Variants in GAN observed in about 807,000 individuals in gnomAD.
The protein encoded by GAN is gigaxonin.
A neutral mutation model predicts 71.3 loss-of-function variants in GAN; 48 were observed. The ratio of observed to expected loss-of-function variants is 0.67; its 90% CI spans 0.53 to 0.86. The LOEUF (loss-of-function observed/expected upper bound fraction) is 0.86, where lower values mean the gene tolerates loss of function less well. Among genes scored for constraint, GAN ranks in the 40% least tolerant of loss-of-function variants. GAN has a pLI of 0.00. For synonymous variants in GAN, 386 were observed against 276.8 expected (o/e 1.39, Z -3.92); for missense variants, 928 against 770.1 (o/e 1.21, Z -2.43).
intron 3 of GAN, 35 bp downstream of exon 3, chr16:81,354,790 TTTTA>T (rs1278315135): frequency 1.7e-6 from 2 of 1,174,176 alleles, no homozygotes; most frequent in Non-Finnish European, 2.5e-6. Context: ...AAATTTGCCT[TTTTA>T]TTTCTTTTTA....
chr16:81,365,506 C>A, intron 9 of GAN, 28 bp downstream of exon 9: 3 of 1,607,232 alleles, frequency 1.9e-6, no homozygotes, highest in Non-Finnish European at 2.6e-6. Context: ...CACATAGCTA[C>A]TGCAACTTTT....
At chr16:81,360,474 C>G (rs77126186) in intron 5 of GAN, among the ~76,000 whole-genome samples, 3,074 of 152,094 alleles carry the variant, frequency 0.02, 76 homozygotes, top group East Asian at 0.12. Context: ...TTATTATTTT[C>G]CATCTTTTTG....
At chr16:81,335,881 A>G (rs531880394) in intron 1 of GAN, among the ~76,000 whole-genome samples, 12 of 152,278 alleles carry the variant, frequency 7.9e-5, no homozygotes, top group Admixed American at 4.6e-4. Flanking sequence ...GAATAGAGAA[A>G]AATTAAAAGG....
chr16:81,356,972 GCAT>G lies in GAN; in HGVS notation c.823_825del (p.Ile275del). The stretch of plus-strand genomic sequence containing the variant: ...TTCAAACCCCGGGGCTACTCTGAGT[GCAT>G]CGTGACTGTTGGTGGAGAAGAGAGA... On this transcript the variant is annotated inframe_deletion, in exon 4 of 11. Transcript: ENST00000648994. 6.2e-7 allele frequency: 1 copy of G among 1,611,148 alleles called. No individual in the cohort carries two copies. Among genetic ancestry groups the G allele is most frequent in the Non-Finnish European group, 8.5e-7 (1 of 1,177,790 alleles).
chr16:81,365,787 C>T (rs1910837058), intron 9 of GAN, among the ~76,000 whole-genome samples: 2 of 151,986 alleles, frequency 1.3e-5, no homozygotes, highest in Non-Finnish European at 2.9e-5. Flanking sequence ...TGGTGGCTCA[C>T]ACCTGTAGTC....
At chr16:81,351,495 C>T in intron 1 of GAN, 88 bp from the exon 2 acceptor site, 8 of 730,502 alleles carry the variant, frequency 1.1e-5, no homozygotes, top group Non-Finnish European at 2.0e-5. Context: ...TGATAAGTAT[C>T]TTATACGTTA....
chr16:81,387,103 A>G lies in GAN; in HGVS notation c.*9507A>G, dbSNP rs529889689. 3 of 152,390 alleles carry G rather than the reference A, an allele frequency of 2.0e-5. No individual in the cohort carries two copies. Among genetic ancestry groups the G allele is most frequent in the East Asian group, 1.9e-4 (1 of 5,184 alleles). 9.4% of individuals were successfully genotyped at this position (152,390 alleles called of 1,614,324 possible). On this transcript the variant is annotated 3_prime_UTR_variant, in exon 11 of 11. Transcript: ENST00000648994. Reference sequence around the variant, plus strand: ...AGCATCCTGTTTGACATTTGTATCCATAACTTGAATAAAAATATAGAAGGC... The same window carrying G: ...AGCATCCTGTTTGACATTTGTATCCGTAACTTGAATAAAAATATAGAAGGC...
chr16:81,388,703 A>AG lies in GAN; in HGVS notation c.*11107_*11108insG, dbSNP rs1432096384. The AG allele has an allele frequency of 1.3e-5, 2 of 152,254 alleles. No homozygotes were observed. The highest frequency in any genetic ancestry group is 4.8e-5 in the African/African-American group (2 of 41,424). The allele number at this position is 152,254 out of a possible 1,614,324, so 9.4% of individuals were successfully genotyped here. A position where few individuals can be genotyped will look rare whatever the true frequency, so the allele number is the denominator to read the frequency against. ...TGTCTGTCCGCAGAGCCGGGTGGGG[A>AG]CCCTCCGTGTGGGTCCTCCTCTGTC... On this transcript the variant is annotated 3_prime_UTR_variant, in exon 11 of 11. Transcript: ENST00000648994.
At chr16:81,317,700 T>G (rs1909090220) in intron 1 of GAN, among the ~76,000 whole-genome samples, 1 of 152,286 alleles carries the variant, frequency 6.6e-6, no homozygotes, top group African/African-American at 2.4e-5. Flanking sequence ...GCCTTCCTAC[T>G]CTTGCCCTAC....
chr16:81,367,687 C>T (rs538629117), intron 9 of GAN, among the ~76,000 whole-genome samples: 1 of 152,094 alleles, frequency 6.6e-6, no homozygotes, highest in African/African-American at 2.4e-5. Flanking sequence ...CATATAACAC[C>T]AAATGCCATG....
At chr16:81,377,393 C>T (rs371634645) in intron 10 of GAN, 22 bp from the exon 11 acceptor site, 1 of 1,611,180 alleles carries the variant, frequency 6.2e-7, no homozygotes, top group African/African-American at 1.3e-5. Context: ...TTTTCTCACC[C>T]TTGCTTATTT....
chr16:81,374,278 G>A (rs1904275305), intron 9 of GAN, among the ~76,000 whole-genome samples: 1 of 152,178 alleles, frequency 6.6e-6, no homozygotes, highest in African/African-American at 2.4e-5. Flanking sequence ...ACTTGGTTAA[G>A]GTGGTATCTG....
At chr16:81,343,704 A>T (rs1910022292) in intron 1 of GAN, among the ~76,000 whole-genome samples, 1 of 152,154 alleles carries the variant, frequency 6.6e-6, no homozygotes, top group African/African-American at 2.4e-5. Flanking sequence ...TTGAAAACTG[A>T]CACAAGACAA....
chr16:81,319,512 G>T (rs758694448), intron 1 of GAN, among the ~76,000 whole-genome samples: 1 of 152,078 alleles, frequency 6.6e-6, no homozygotes, highest in African/African-American at 2.4e-5. Flanking sequence ...ACGGCTATGT[G>T]CTTCTGCAGT....
Position 81,341,826 on chromosome 16 carries a change from G to C in GAN, c.168-9757G>C, listed in dbSNP as rs865958501. Among the ~76,000 whole-genome samples, 63 of 152,284 alleles carry C rather than the reference G, an allele frequency of 4.1e-4. No individual in the cohort carries two copies. In the Middle Eastern group the frequency reaches 0.017, roughly 41 times the overall value. On this transcript the variant is annotated intron_variant, in intron 1 of 10. Coordinates refer to ENST00000648994, the MANE Select transcript of GAN (RefSeq NM_022041.4). ...AATGGGCTAAATACCCCAATTGAAA[G>C]ACACAGATTGGCAAATTGGATAAAG... is the stretch of plus-strand genomic sequence containing the variant.
intron 5 of GAN, among the ~76,000 whole-genome samples, chr16:81,358,864 A>G (rs1910578136): frequency 6.6e-6 from 1 of 152,124 alleles, no homozygotes; most frequent in Non-Finnish European, 1.5e-5. Context: ...ATCTCATGTC[A>G]TCCTAATTGT....
intron 1 of GAN, among the ~76,000 whole-genome samples, chr16:81,349,933 A>G (rs1320910770): frequency 6.6e-6 from 1 of 152,148 alleles, no homozygotes; most frequent in Non-Finnish European, 1.5e-5. Context: ...TTTCAAAGCT[A>G]TTTTTAAATT....
intron 1 of GAN, among the ~76,000 whole-genome samples, chr16:81,341,487 T>G (rs1379279290): frequency 4.6e-5 from 7 of 152,150 alleles, no homozygotes; most frequent in Admixed American, 4.6e-4. Context: ...ATATTCAACA[T>G]TCTTAAAACT....
intron 2 of GAN, among the ~76,000 whole-genome samples, chr16:81,353,686 G>C (rs1230269067): frequency 6.6e-6 from 1 of 152,138 alleles, no homozygotes; most frequent in Non-Finnish European, 1.5e-5. Flanking sequence ...ATATTTTAGA[G>C]AACTGTTTCT....
Sources: allele counts gnomAD v4.1 joint callset (sites outside exome capture counted in the v4.1 genomes callset), GRCh38; gene constraint gnomAD v4.1.1; transcripts MANE v1.5; gene names NCBI Gene and HGNC (gene_info 2026-07-23, HGNC 2026-07-21).